The following ADARB2 variants were observed in gnomAD, a reference collection of about 807,000 sequenced individuals.
ADARB2 encodes adenosine deaminase RNA specific B2 (inactive).
In ADARB2, 25 loss-of-function variants were observed where a neutral mutation model predicts 62.2. The ratio of observed to expected loss-of-function variants is 0.40; its 90% CI spans 0.29 to 0.56. ADARB2 has a LOEUF of 0.56. Among genes scored for constraint, ADARB2 ranks in the 20% least tolerant of loss-of-function variants. The pLI is 0.43. For missense variants in ADARB2, 1,071 were observed against 1,077.4 expected (o/e 0.99, Z 0.08); for synonymous variants, 572 against 500.8 (o/e 1.14, Z -1.90).
chr10:1,533,117 A>C (rs28590355), intron 1 of ADARB2, among the ~76,000 whole-genome samples: 31 of 79,758 alleles, frequency 3.9e-4, no homozygotes, highest in South Asian at 3.1e-3. Context: ...TGTAAACATC[A>C]CCTTTTTTTT....
chr10:1,482,334 G>A (rs1348170986), intron 1 of ADARB2, among the ~76,000 whole-genome samples: 1 of 152,226 alleles, frequency 6.6e-6, no homozygotes, highest in African/African-American at 2.4e-5. Flanking sequence ...CAACCCAAGT[G>A]TCCATCAGTG....
chr10:1,712,613 T>A (rs1834962564), intron 1 of ADARB2, among the ~76,000 whole-genome samples: 1 of 136,054 alleles, frequency 7.4e-6, no homozygotes, highest in Non-Finnish European at 1.5e-5. Context: ...CACCATTACT[T>A]TTTTTTTTTT....
intron 1 of ADARB2, among the ~76,000 whole-genome samples, chr10:1,623,599 A>C (rs1875006): frequency 0.73 from 110,790 of 152,176 alleles, 40,546 homozygotes; most frequent in African/African-American, 0.82. Flanking sequence ...CGTGAGCCGT[A>C]ACTGCTTTGA....
At chr10:1,578,625 T>C (rs1303394034) in intron 1 of ADARB2, among the ~76,000 whole-genome samples, 4 of 151,566 alleles carry the variant, frequency 2.6e-5, no homozygotes, top group Non-Finnish European at 4.4e-5. Context: ...TGAACCACTG[T>C]TCTCCATGAG....
rs189107888 is a variant in ADARB2 at position 1,589,282 on chromosome 10, C to T, written c.100+147769G>A. On this transcript the variant is annotated intron_variant, in intron 1 of 9. Transcript: ENST00000381312. ...CTGACCGCCAGCCTCCAGGGGAGAA[C>T]GTATGGTGGAAAGGTGCGGACCCTG... 1.5e-3 allele frequency among the ~76,000 whole-genome samples: 233 copies of T among 152,328 alleles called. 2 individuals are homozygous for T. Among genetic ancestry groups the T allele is most frequent in the African/African-American group, 5.2e-3 (218 of 41,580 alleles).
chr10:1,394,226 T>C (rs1166037606), intron 1 of ADARB2, among the ~76,000 whole-genome samples: 1 of 152,216 alleles, frequency 6.6e-6, no homozygotes, highest in African/African-American at 2.4e-5. Flanking sequence ...CTTATCTGAT[T>C]GTTCTGTAAG....
intron 1 of ADARB2, among the ~76,000 whole-genome samples, chr10:1,500,978 G>A (rs1249056953): frequency 3.3e-5 from 5 of 152,128 alleles, no homozygotes; most frequent in African/African-American, 9.7e-5. Context: ...AGGTTCAAGC[G>A]ATTCTCCTGC....
chr10:1,540,061 C>G (rs1318976444), intron 1 of ADARB2, among the ~76,000 whole-genome samples: 1 of 152,108 alleles, frequency 6.6e-6, no homozygotes, highest in Admixed American at 6.5e-5. Flanking sequence ...GTGTAAGAGA[C>G]AGTTTGGATT....
chr10:1,192,937 C>T (rs1282351091), intron 8 of ADARB2, among the ~76,000 whole-genome samples: 1 of 152,162 alleles, frequency 6.6e-6, no homozygotes, highest in African/African-American at 2.4e-5. Context: ...AGCGAGACTC[C>T]GTCTCAAAAG....
At chr10:1,199,217 C>CCA (rs946667765) in intron 8 of ADARB2, among the ~76,000 whole-genome samples, 8 of 152,014 alleles carry the variant, frequency 5.3e-5, no homozygotes, top group South Asian at 2.1e-4. Flanking sequence ...GAAACCCACC[C>CCA]CCCCGCTTCC....
At chr10:1,200,916 T>C (rs147290699) in intron 7 of ADARB2, among the ~76,000 whole-genome samples, 14 of 152,356 alleles carry the variant, frequency 9.2e-5, no homozygotes, top group African/African-American at 3.4e-4. Context: ...TTAATTAACA[T>C]TTCTCCACTG....
At chr10:1,717,523 CCTTT>C (rs1835035354) in intron 1 of ADARB2, among the ~76,000 whole-genome samples, 1 of 145,900 alleles carries the variant, frequency 6.9e-6, no homozygotes, top group Non-Finnish European at 1.5e-5. Flanking sequence ...CTCTCTCTTT[CCTTT>C]CTTTCCTTCC....
At chr10:1,671,026 C>CA (rs1834377552) in intron 1 of ADARB2, among the ~76,000 whole-genome samples, 1 of 152,214 alleles carries the variant, frequency 6.6e-6, no homozygotes, top group Admixed American at 6.5e-5. Context: ...AATGGAATTT[C>CA]AAATTCTTTC....
At chr10:1,611,594 C>A (rs1833573745) in intron 1 of ADARB2, among the ~76,000 whole-genome samples, 1 of 152,166 alleles carries the variant, frequency 6.6e-6, no homozygotes, top group African/African-American at 2.4e-5. Context: ...GCCTCTTCCT[C>A]CCTCCTTGGG....
intron 1 of ADARB2, among the ~76,000 whole-genome samples, chr10:1,580,245 G>T (rs904176232): frequency 1.3e-5 from 2 of 152,158 alleles, no homozygotes; most frequent in East Asian, 3.9e-4. Context: ...CTGATAGATG[G>T]TTTTTCAATC....
intron 3 of ADARB2, among the ~76,000 whole-genome samples, chr10:1,357,866 A>T (rs1329931675): frequency 6.6e-6 from 1 of 152,234 alleles, no homozygotes; most frequent in African/African-American, 2.4e-5. Context: ...AGCCACAGAC[A>T]TGTTAGCAAC....
At chr10:1,402,678 G>C (rs1457178281) in intron 1 of ADARB2, among the ~76,000 whole-genome samples, 1 of 152,174 alleles carries the variant, frequency 6.6e-6, no homozygotes, top group Middle Eastern at 3.2e-3. Context: ...CTTCTGGTCA[G>C]AGGAAGCCTC....
intron 4 of ADARB2, among the ~76,000 whole-genome samples, chr10:1,246,844 CT>C (rs1330298714): frequency 1.3e-5 from 2 of 150,912 alleles, no homozygotes; most frequent in Non-Finnish European, 3.0e-5. Context: ...TCCATATGAA[CT>C]TTAGTTTTTT....
intron 3 of ADARB2, among the ~76,000 whole-genome samples, chr10:1,348,325 T>C (rs1324358453): frequency 6.6e-6 from 1 of 152,112 alleles, no homozygotes; most frequent in Non-Finnish European, 1.5e-5. Context: ...GAGTCTGGGA[T>C]GTGGGTTTCC....
Sources: gnomAD v4.1 joint callset for allele counts (sites outside exome capture counted in the v4.1 genomes callset) on GRCh38, gnomAD v4.1.1 for gene constraint, MANE v1.5 for transcripts, NCBI Gene and HGNC (gene_info 2026-07-23, HGNC 2026-07-21) for gene names.